ZNF423: variants seen among roughly 807,000 people sequenced by gnomAD.
The protein encoded by ZNF423 is zinc finger protein 423.
A neutral mutation model predicts 95.8 loss-of-function variants in ZNF423; 12 were observed. The ratio of observed to expected loss-of-function variants is 0.13; its 90% CI spans 0.08 to 0.20. The LOEUF (loss-of-function observed/expected upper bound fraction) is 0.20, where lower values mean the gene tolerates loss of function less well. Among genes scored for constraint, ZNF423 ranks in the 10% least tolerant of loss-of-function variants. The pLI is 1.00. For synonymous variants in ZNF423, 749 were observed against 711.9 expected, an observed-to-expected ratio of 1.05 and a Z score of -0.83; for missense variants, 1,316 against 1,737.1, an observed-to-expected ratio of 0.76 and a Z score of 4.31.
chr16:49,854,442 CG>C (rs1376867492), intron 1 of ZNF423: 1 of 985,300 alleles, frequency 1.0e-6, no homozygotes, highest in African/African-American at 1.7e-5. Context: ...AGGAAGGGAG[CG>C]GGGCCCCAGC....
At chr16:49,547,299 T>C (rs543822028) in intron 5 of ZNF423, among the ~76,000 whole-genome samples, 15 of 152,128 alleles carry the variant, frequency 9.9e-5, no homozygotes, top group African/African-American at 3.4e-4. Flanking sequence ...CACTCACGGC[T>C]CTCTGGCCAG....
At chr16:49,835,079 T>G (rs1380610991) in intron 1 of ZNF423, among the ~76,000 whole-genome samples, 1 of 151,986 alleles carries the variant, frequency 6.6e-6, no homozygotes, top group African/African-American at 2.4e-5. Flanking sequence ...GGCTGAGCCT[T>G]GGCTCTTGCC....
chr16:49,640,292 C>T (rs184537914), intron 3 of ZNF423, among the ~76,000 whole-genome samples: 9 of 152,222 alleles, frequency 5.9e-5, no homozygotes, highest in African/African-American at 2.2e-4. Context: ...CACACGCCTA[C>T]CTACATACAC....
At chr16:49,809,871 C>T (rs12597698) in intron 1 of ZNF423, among the ~76,000 whole-genome samples, 27,840 of 152,070 alleles carry the variant, frequency 0.18, 3,151 homozygotes, top group African/African-American at 0.32. Flanking sequence ...CCAGGGGAAG[C>T]CTTATGAACC....
At chr16:49,728,310 C>G (rs1050415790) in intron 3 of ZNF423, among the ~76,000 whole-genome samples, 3 of 152,196 alleles carry the variant, frequency 2.0e-5, no homozygotes, top group Non-Finnish European at 4.4e-5. Context: ...CTATCCCAGG[C>G]TGGGTCATGC....
At chr16:49,518,294 T>A in intron 7 of ZNF423, 1 of 393,434 alleles carries the variant, frequency 2.5e-6, no homozygotes, top group Non-Finnish European at 4.9e-6. Flanking sequence ...AAGTATATTG[T>A]ATATCAAAGT....
chr16:49,658,314 T>G (rs1367747839), intron 3 of ZNF423, among the ~76,000 whole-genome samples: 1 of 151,830 alleles, frequency 6.6e-6, no homozygotes. Context: ...AGAGAAGAGG[T>G]GGGCTGGGCG....
At chr16:49,514,006 C>A (rs1968017555) in intron 7 of ZNF423, among the ~76,000 whole-genome samples, 1 of 151,912 alleles carries the variant, frequency 6.6e-6, no homozygotes, top group East Asian at 2.0e-4. Context: ...GCCGTCTGTC[C>A]TGCTTGCCCC....
intron 5 of ZNF423, among the ~76,000 whole-genome samples, chr16:49,615,229 G>A (rs1971838955): frequency 6.6e-6 from 1 of 152,136 alleles, no homozygotes; most frequent in Non-Finnish European, 1.5e-5. Context: ...CGTGGAGAGG[G>A]TGCAGGGTTG....
chr16:49,535,359 C>T (rs868747817), intron 5 of ZNF423, among the ~76,000 whole-genome samples: 2 of 152,212 alleles, frequency 1.3e-5, no homozygotes, highest in Non-Finnish European at 2.9e-5. Context: ...ATCCACCTCC[C>T]GCCTCTCTGA....
chr16:49,632,783 C>G (rs1380118753), intron 4 of ZNF423, among the ~76,000 whole-genome samples: 4 of 152,220 alleles, frequency 2.6e-5, no homozygotes, highest in Non-Finnish European at 5.9e-5. Context: ...TAGGGGCTTT[C>G]ACAAAGTGGT....
At chr16:49,572,020 A>C (rs1970370034) in intron 5 of ZNF423, among the ~76,000 whole-genome samples, 1 of 152,242 alleles carries the variant, frequency 6.6e-6, no homozygotes. Context: ...ACTAAGGGGC[A>C]AACAACATTC....
intron 7 of ZNF423, among the ~76,000 whole-genome samples, chr16:49,517,159 G>A (rs943172296): frequency 5.3e-5 from 8 of 152,150 alleles, no homozygotes; most frequent in East Asian, 1.9e-4. Flanking sequence ...ACTTGGCTCC[G>A]GGAATAGGGC....
chr16:49,498,302 G>A (rs1412296017), intron 7 of ZNF423, among the ~76,000 whole-genome samples: 1 of 152,228 alleles, frequency 6.6e-6, no homozygotes, highest in East Asian at 1.9e-4. Flanking sequence ...GCAGTGCTGG[G>A]TCTGCACCCA....
At chr16:49,845,833 C>T (rs1372153413) in intron 1 of ZNF423, among the ~76,000 whole-genome samples, 1 of 152,086 alleles carries the variant, frequency 6.6e-6, no homozygotes, top group Non-Finnish European at 1.5e-5. Flanking sequence ...CATAAGCCAC[C>T]ACTGCACCCA....
In ZNF423 at chr16:49,665,693, A is replaced by G. The variant is rs370527246; in HGVS notation, c.302-26819T>C. Among the ~76,000 whole-genome samples the G allele has an allele frequency of 5.3e-5, 8 of 151,876 alleles. No homozygotes were observed. The South Asian group carries it at 6.3e-4, about 12-fold the overall frequency. ...CACCGCCCCCCACCCCAGCTCACAG[A>G]CTCGGGGAGCCCCCCATCAGCACCT... On this transcript the variant is annotated intron_variant, in intron 3 of 7. Coordinates refer to ENST00000563137, the MANE Select transcript of ZNF423 (RefSeq NM_001379286.1).
intron 1 of ZNF423, among the ~76,000 whole-genome samples, chr16:49,794,021 GTCTCTCTC>G (rs5816660): frequency 6.7e-6 from 1 of 148,550 alleles, no homozygotes; most frequent in African/African-American, 2.5e-5. Flanking sequence ...GTCTGTCTCT[GTCTCTCTC>G]TCTCTCTCTC....
intron 2 of ZNF423, among the ~76,000 whole-genome samples, chr16:49,747,782 A>G (rs35771920): frequency 0.082 from 12,430 of 152,358 alleles, 565 homozygotes; most frequent in Middle Eastern, 0.14. Flanking sequence ...AAGGCACTGA[A>G]GAAGACAGCC....
chr16:49,802,299 C>T (rs993060553), intron 1 of ZNF423, among the ~76,000 whole-genome samples: 8 of 152,168 alleles, frequency 5.3e-5, no homozygotes, highest in African/African-American at 1.9e-4. Context: ...CCTTAGGTCC[C>T]TCCCTGTGCC....
Sources: gnomAD v4.1 joint callset for allele counts (sites outside exome capture counted in the v4.1 genomes callset) on GRCh38, gnomAD v4.1.1 for gene constraint, MANE v1.5 for transcripts, NCBI Gene and HGNC (gene_info 2026-07-23, HGNC 2026-07-21) for gene names.